The following CADM2 variants were observed in gnomAD, a reference collection of about 807,000 sequenced individuals.
CADM2 encodes cell adhesion molecule 2.
In CADM2, 12 loss-of-function variants were observed where a neutral mutation model predicts 49.8. The observed-to-expected ratio is 0.24, with a 90% CI of 0.15 to 0.39. The LOEUF (loss-of-function observed/expected upper bound fraction) is 0.39, where lower values mean the gene tolerates loss of function less well. CADM2 is among the 10% of genes least tolerant of loss of function. The probability of loss-of-function intolerance (pLI) is 1.00; values close to 1 mark genes in which losing one functional copy is unlikely to be tolerated. For synonymous variants in CADM2, 214 were observed against 175.4 expected (o/e 1.22, Z -1.74); for missense variants, 378 against 492.3 (o/e 0.77, Z 2.20).
At chr3:85,532,038 G>A (rs970979235) in intron 1 of CADM2, among the ~76,000 whole-genome samples, 3 of 152,184 alleles carry the variant, frequency 2.0e-5, no homozygotes, top group Admixed American at 6.5e-5. Flanking sequence ...TTAGCCAGGC[G>A]TGGTGGCGGG....
intron 8 of CADM2, among the ~76,000 whole-genome samples, chr3:86,038,206 T>C (rs976210054): frequency 2.6e-5 from 4 of 152,208 alleles, no homozygotes. Context: ...AAAAACTACA[T>C]TGTTTTCTCA....
intron 8 of CADM2, among the ~76,000 whole-genome samples, chr3:85,969,016 A>G (rs895166790): frequency 2.6e-5 from 4 of 151,696 alleles, no homozygotes; most frequent in South Asian, 2.1e-4. Flanking sequence ...AGTTCCATCA[A>G]CGTTGCTTCC....
chr3:86,000,039 A>G (rs1442807811), intron 8 of CADM2, among the ~76,000 whole-genome samples: 1 of 152,210 alleles, frequency 6.6e-6, no homozygotes, highest in East Asian at 1.9e-4. Flanking sequence ...AGGGTTCAAG[A>G]TGTCATGGAA....
rs1033940313 is a variant in CADM2, at chr3:86,073,608, C to T, written c.*6825C>T. 5 of 151,854 alleles carry T rather than the reference C, an allele frequency of 3.3e-5. No individual in the cohort carries two copies. Among genetic ancestry groups the T allele is most frequent in the African/African-American group, 4.8e-5 (2 of 41,396 alleles). The allele number at this position is 151,854 out of a possible 1,614,324, so 9.4% of individuals were successfully genotyped here. ...TAAAGTCTTGTCAGAAAAAAATTGT[C>T]TGATAAATATGGAAAAATAAAATTT... On this transcript the variant is annotated 3_prime_UTR_variant, in exon 10 of 10. Coordinates refer to ENST00000383699, the MANE Select transcript of CADM2 (RefSeq NM_001167675.2).
chr3:85,359,666 A>ATATATATATATATATTTTTTTTTT, intron 1 of CADM2, among the ~76,000 whole-genome samples: 15 of 26,546 alleles, frequency 5.7e-4, no homozygotes, highest in South Asian at 1.4e-3. Flanking sequence ...ATATATATAT[A>ATATATATATATATATTTTTTTTTT]TTTTTTTTTT....
At chr3:86,023,217 T>C (rs1185149675) in intron 8 of CADM2, among the ~76,000 whole-genome samples, 1 of 152,168 alleles carries the variant, frequency 6.6e-6, no homozygotes, top group Admixed American at 6.5e-5. Flanking sequence ...TTCCAATACG[T>C]ATAAACAAAT....
In CADM2 at chr3:85,568,469, C is replaced by CTCTT. The variant is rs1559916062; in HGVS notation, c.62-158050_62-158049insTTCT. ...TTTCTTTCTTTCTTTCTTTCTCTTT[C>CTCTT]TCTCTCTTTCTTTCTTTCTTTCTTT... is the stretch of plus-strand genomic sequence containing the variant. On this transcript the variant is annotated intron_variant, in intron 1 of 9. Transcript: ENST00000383699. 9.1e-3 allele frequency among the ~76,000 whole-genome samples: 101 copies of CTCTT among 11,070 alleles called. 2 individuals are homozygous for CTCTT. The highest frequency in any genetic ancestry group is 0.013 in the African/African-American group (81 of 6,474). 7.3% of individuals were successfully genotyped at this position (11,070 alleles called of 152,430 possible). A position where few individuals can be genotyped will look rare whatever the true frequency, so the allele number is the denominator to read the frequency against.
chr3:86,064,603 T>C (rs1368597445), intron 8 of CADM2, among the ~76,000 whole-genome samples: 2 of 152,164 alleles, frequency 1.3e-5, no homozygotes, highest in African/African-American at 4.8e-5. Context: ...ATGGTATTTC[T>C]AGTTCTAGAT....
intron 2 of CADM2, among the ~76,000 whole-genome samples, chr3:85,738,346 C>G (rs1029905545): frequency 2.0e-5 from 3 of 152,148 alleles, no homozygotes; most frequent in African/African-American, 7.2e-5. Context: ...AATAAAACAT[C>G]ACTTTTCATG....
intron 3 of CADM2, among the ~76,000 whole-genome samples, chr3:85,847,230 G>C (rs907560050): frequency 6.6e-6 from 1 of 152,168 alleles, no homozygotes; most frequent in African/African-American, 2.4e-5. Context: ...AACACACTAA[G>C]AGGCTTTTTA....
chr3:85,436,503 A>G (rs549521830), intron 1 of CADM2, among the ~76,000 whole-genome samples: 122 of 152,172 alleles, frequency 8.0e-4, no homozygotes, highest in Non-Finnish European at 1.4e-3. Flanking sequence ...TTTCAAAGGG[A>G]ACACTTCCAG....
At chr3:85,270,802 T>G (rs948844033) in intron 1 of CADM2, among the ~76,000 whole-genome samples, 2 of 151,334 alleles carry the variant, frequency 1.3e-5, no homozygotes, top group Non-Finnish European at 3.0e-5. Context: ...TAAAGGAAAA[T>G]AAAAAGAATA....
intron 8 of CADM2, among the ~76,000 whole-genome samples, chr3:86,023,771 A>T (rs1733514421): frequency 6.6e-6 from 1 of 152,126 alleles, no homozygotes; most frequent in Non-Finnish European, 1.5e-5. Context: ...CTCACTGCAG[A>T]TGACACTGTT....
At chr3:85,845,454 T>G (rs1414669388) in intron 3 of CADM2, among the ~76,000 whole-genome samples, 1 of 152,166 alleles carries the variant, frequency 6.6e-6, no homozygotes, top group Non-Finnish European at 1.5e-5. Flanking sequence ...TACCAGATGT[T>G]TCTTTCATGA....
intron 1 of CADM2, among the ~76,000 whole-genome samples, chr3:85,284,591 T>G (rs558180708): frequency 1.3e-5 from 2 of 152,214 alleles, no homozygotes; most frequent in African/African-American, 4.8e-5. Flanking sequence ...CATAGATTGC[T>G]AAGGGAGGAA....
chr3:85,924,125 C>T (rs1719512594), intron 6 of CADM2, among the ~76,000 whole-genome samples: 1 of 152,048 alleles, frequency 6.6e-6, no homozygotes, highest in African/African-American at 2.4e-5. Context: ...GTTTCCATAT[C>T]ATAATTGCAA....
intron 1 of CADM2, among the ~76,000 whole-genome samples, chr3:85,249,961 T>C (rs993938621): frequency 1.3e-4 from 20 of 151,874 alleles, no homozygotes; most frequent in African/African-American, 4.8e-4. Flanking sequence ...ATAATGACCA[T>C]ATTGACAATA....
chr3:85,355,659 C>T (rs1040706286), intron 1 of CADM2, among the ~76,000 whole-genome samples: 1 of 151,988 alleles, frequency 6.6e-6, no homozygotes, highest in Non-Finnish European at 1.5e-5. Flanking sequence ...AAAATAAAAT[C>T]GCGAAAACAT....
At chr3:86,006,783 G>A (rs1316472966) in intron 8 of CADM2, among the ~76,000 whole-genome samples, 1 of 152,114 alleles carries the variant, frequency 6.6e-6, no homozygotes, top group Non-Finnish European at 1.5e-5. Flanking sequence ...GCTCACACCT[G>A]TAATTCCTGC....
Sources: allele counts gnomAD v4.1 joint callset (sites outside exome capture counted in the v4.1 genomes callset), GRCh38; gene constraint gnomAD v4.1.1; transcripts MANE v1.5; gene names NCBI Gene and HGNC (gene_info 2026-07-23, HGNC 2026-07-21).